CADPS: variants seen among roughly 807,000 people sequenced by gnomAD.
CADPS encodes the protein calcium-dependent secretion activator 1.
In CADPS, 57 loss-of-function variants were observed where a neutral mutation model predicts 167.3. That is an observed-to-expected ratio of 0.34 (90% confidence interval 0.28 to 0.42). CADPS has a LOEUF of 0.42. Ranked by LOEUF, CADPS falls within the 20% of genes least tolerant of loss-of-function variation. The pLI is 1.00. For missense variants in CADPS, 1,414 were observed against 1,738.1 expected, an observed-to-expected ratio of 0.81 and a Z score of 3.32; for synonymous variants, 676 against 635.3, an observed-to-expected ratio of 1.06 and a Z score of -0.96.
chr3:62,506,653 C>G (rs1157730090), intron 17 of CADPS, among the ~76,000 whole-genome samples: 3 of 152,136 alleles, frequency 2.0e-5, no homozygotes, highest in African/African-American at 7.2e-5. Flanking sequence ...CTTCTCTACT[C>G]CATGTTATTT....
In CADPS at chr3:62,752,243, A is replaced by G. The variant is rs1289964066; in HGVS notation, c.888+1198T>C. Among the ~76,000 whole-genome samples the G allele has an allele frequency of 6.6e-5, 10 of 152,314 alleles. No homozygotes were observed. In the South Asian group the frequency reaches 1.5e-3, roughly 22 times the overall value. On this transcript the variant is annotated intron_variant, in intron 3 of 29. Coordinates refer to ENST00000383710, the MANE Select transcript of CADPS (RefSeq NM_003716.4). Reference sequence around the variant, plus strand: ...GGGATGTAGTAATATTTTAAATAAAATAATGATTAAATTTAATTTTATATT... The same window carrying G: ...GGGATGTAGTAATATTTTAAATAAAGTAATGATTAAATTTAATTTTATATT...
At chr3:62,822,776 A>G (rs566613719) in intron 1 of CADPS, among the ~76,000 whole-genome samples, 14 of 152,296 alleles carry the variant, frequency 9.2e-5, no homozygotes, top group African/African-American at 3.4e-4. Flanking sequence ...TGGGAGGTGG[A>G]GGTTGCAGTG....
At chr3:62,817,524 T>C (rs141311622) in intron 1 of CADPS, among the ~76,000 whole-genome samples, 1 of 152,296 alleles carries the variant, frequency 6.6e-6, no homozygotes, top group African/African-American at 2.4e-5. Context: ...TTTGATTCTT[T>C]AATTCTCTGA....
chr3:62,481,899 T>C lies in CADPS; in HGVS notation c.3027-30A>G, dbSNP rs1214228396. 4 of 1,598,814 alleles carry C rather than the reference T, an allele frequency of 2.5e-6. No individual in the cohort carries two copies. In the South Asian group the frequency reaches 4.6e-5, roughly 18 times the overall value. On this transcript the variant is annotated intron_variant, in intron 21 of 29. Coordinates refer to ENST00000383710, the MANE Select transcript of CADPS (RefSeq NM_003716.4). ...GGAAGAAACAGACAGAAAGAAAAAA[T>C]ACCATCACAGTGACAATGCAGATGT...
intron 9 of CADPS, among the ~76,000 whole-genome samples, chr3:62,560,538 C>G (rs1234243266): frequency 6.6e-6 from 1 of 152,144 alleles, no homozygotes; most frequent in African/African-American, 2.4e-5. Context: ...CTCAAATGAT[C>G]AGCAGACATC....
intron 6 of CADPS, among the ~76,000 whole-genome samples, chr3:62,622,356 A>G (rs1377233278): frequency 6.6e-6 from 1 of 152,152 alleles, no homozygotes; most frequent in Non-Finnish European, 1.5e-5. Context: ...AGACCAACAT[A>G]GCATTGTTAC....
rs1253348473 is a variant in CADPS at position 62,421,573 on chromosome 3, T to C, written c.3777+16531A>G. On this transcript the variant is annotated intron_variant, in intron 28 of 29. Transcript: ENST00000383710. The surrounding 1 kb of genome is among the most constrained non-coding windows in gnomAD (Gnocchi z 4.7). ...ACTTTCTATAAGGAACAACATGTTA[T>C]AGACAGTAGTCTTGCTAGAAAGAGA... Among the ~76,000 whole-genome samples the C allele has an allele frequency of 2.0e-5, 3 of 152,252 alleles. No homozygotes were observed. Among genetic ancestry groups the C allele is most frequent in the South Asian group, 4.1e-4 (2 of 4,838 alleles).
At chr3:62,556,491 G>C (rs1477023857) in intron 10 of CADPS, among the ~76,000 whole-genome samples, 1 of 152,122 alleles carries the variant, frequency 6.6e-6, no homozygotes, top group Non-Finnish European at 1.5e-5. Context: ...AGAGCAATAT[G>C]GGAGTAGAAA....
At chr3:62,808,887 T>C (rs304223) in intron 1 of CADPS, among the ~76,000 whole-genome samples, 113,344 of 152,060 alleles carry the variant, frequency 0.75, 42,608 homozygotes, top group East Asian at 0.94. Flanking sequence ...AACAGAATTC[T>C]GGACTTTTCC....
chr3:62,518,545 C>A (rs1317797720), intron 13 of CADPS, among the ~76,000 whole-genome samples: 1 of 152,148 alleles, frequency 6.6e-6, no homozygotes, highest in South Asian at 2.1e-4. Flanking sequence ...TGGCTCACAG[C>A]GTCTTAAGAA....
At chr3:62,608,629 A>G (rs2061039803) in intron 6 of CADPS, among the ~76,000 whole-genome samples, 1 of 152,216 alleles carries the variant, frequency 6.6e-6, no homozygotes, top group Non-Finnish European at 1.5e-5. Flanking sequence ...TAAATTTAAA[A>G]GACGTATAAT....
intron 5 of CADPS, among the ~76,000 whole-genome samples, chr3:62,649,541 G>GTTTTT (rs1212818484): frequency 8.0e-5 from 6 of 74,996 alleles, no homozygotes; most frequent in Admixed American, 2.0e-4. Context: ...ACAATATGTG[G>GTTTTT]TCTTTTTTTT....
rs549890506 is a variant in CADPS at position 62,448,348 on chromosome 3, C to T, written c.3637-2551G>A. Among the ~76,000 whole-genome samples the T allele has an allele frequency of 1.1e-4, 16 of 152,198 alleles. No homozygotes were observed. The South Asian group carries it at 1.7e-3, about 16-fold the overall frequency. On this transcript the variant is annotated intron_variant, in intron 26 of 29. Coordinates refer to ENST00000383710, the MANE Select transcript of CADPS (RefSeq NM_003716.4). Reference sequence around the variant, plus strand: ...TTACTACTAACATGCAGTTACAATCCGGAGAATGACACCAAATTCTATTCC... The same window carrying T: ...TTACTACTAACATGCAGTTACAATCTGGAGAATGACACCAAATTCTATTCC...
At chr3:62,673,383 T>A (rs1458890329) in intron 3 of CADPS, among the ~76,000 whole-genome samples, 1 of 152,124 alleles carries the variant, frequency 6.6e-6, no homozygotes, top group Non-Finnish European at 1.5e-5. Flanking sequence ...TAAATGAAAG[T>A]GAGTATTTAA....
intron 17 of CADPS, among the ~76,000 whole-genome samples, chr3:62,506,686 A>G (rs555012347): frequency 2.1e-4 from 32 of 152,304 alleles, no homozygotes; most frequent in Middle Eastern, 3.4e-3. Context: ...CAAGGAAAGT[A>G]TCCTTCAGGG....
At chr3:62,794,116 G>A (rs1257595321) in intron 1 of CADPS, among the ~76,000 whole-genome samples, 2 of 152,146 alleles carry the variant, frequency 1.3e-5, no homozygotes, top group Non-Finnish European at 2.9e-5. Flanking sequence ...AAAATATGAT[G>A]GAATGATGAG....
intron 7 of CADPS, among the ~76,000 whole-genome samples, chr3:62,586,805 C>T (rs961946246): frequency 6.6e-6 from 1 of 152,106 alleles, no homozygotes; most frequent in Non-Finnish European, 1.5e-5. Context: ...CATAAGTTTA[C>T]TTTGTATTAA....
intron 1 of CADPS, among the ~76,000 whole-genome samples, chr3:62,841,665 C>T (rs1387919366): frequency 6.6e-6 from 1 of 152,164 alleles, no homozygotes; most frequent in Admixed American, 6.5e-5. Context: ...GGCACCACTG[C>T]ACTTCAGCCT....
intron 14 of CADPS, among the ~76,000 whole-genome samples, chr3:62,517,610 T>C (rs1396052680): frequency 6.6e-6 from 1 of 152,156 alleles, no homozygotes; most frequent in African/African-American, 2.4e-5. Context: ...TAAAAACACC[T>C]AATGTGCTCC....
Sources: allele counts gnomAD v4.1 joint callset (sites outside exome capture counted in the v4.1 genomes callset), GRCh38; gene constraint gnomAD v4.1.1; non-coding constraint Gnocchi (gnomAD v3.1); transcripts MANE v1.5; gene names NCBI Gene and HGNC (gene_info 2026-07-23, HGNC 2026-07-21).